The following KCNC2 variants were observed in gnomAD, a reference collection of about 807,000 sequenced individuals.
KCNC2 encodes the protein potassium voltage-gated channel subfamily C member 2.
KCNC2 carries 21 observed loss-of-function variants against 44.5 expected under a neutral mutation model. The observed-to-expected ratio is 0.47, with a 90% CI of 0.33 to 0.68. The LOEUF (loss-of-function observed/expected upper bound fraction) is 0.68, where lower values mean the gene tolerates loss of function less well. KCNC2 is among the 30% of genes least tolerant of loss of function. The pLI, the probability that KCNC2 is intolerant of heterozygous loss-of-function variation, is 0.01. For synonymous variants in KCNC2, 391 were observed against 339.1 expected (o/e 1.15, Z -1.68); for missense variants, 589 against 826.2 (o/e 0.71, Z 3.52).
At chr12:75,136,905 C>T (rs1051378188) in intron 2 of KCNC2, among the ~76,000 whole-genome samples, 2 of 152,096 alleles carry the variant, frequency 1.3e-5, no homozygotes, top group Non-Finnish European at 2.9e-5. Context: ...GAAGCAATAC[C>T]TTTGCTTTAC....
chr12:75,135,053 T>A (rs904142941), intron 2 of KCNC2, among the ~76,000 whole-genome samples: 6 of 151,942 alleles, frequency 3.9e-5, no homozygotes, highest in Admixed American at 3.9e-4. Context: ...TTCGTATTTA[T>A]ACTCTCAAAT....
intron 2 of KCNC2, among the ~76,000 whole-genome samples, chr12:75,125,671 C>T (rs188973618): frequency 1.3e-5 from 2 of 152,296 alleles, no homozygotes; most frequent in African/African-American, 2.4e-5. Flanking sequence ...TTAGCTAGCA[C>T]TATTAGAATT....
chr12:75,189,839 T>C lies in KCNC2; in HGVS notation c.687+17458A>G, dbSNP rs540691087. ...TTGTCAGCTGCGCTCTGCAACTTAT[T>C]GGCAAAAAAGACAATTATCTTCAAA... On this transcript the variant is annotated intron_variant, in intron 2 of 4. Coordinates refer to ENST00000549446, the MANE Select transcript of KCNC2 (RefSeq NM_139137.4). 1.3e-4 allele frequency among the ~76,000 whole-genome samples: 20 copies of C among 152,276 alleles called. No individual in the cohort carries two copies. The South Asian group carries it at 3.5e-3, about 27-fold the overall frequency.
chr12:75,067,756 T>C (rs1882981286), intron 2 of KCNC2, among the ~76,000 whole-genome samples: 1 of 152,180 alleles, frequency 6.6e-6, no homozygotes, highest in African/African-American at 2.4e-5. Context: ...CCTCTCGCTG[T>C]AACTCCCTAA....
chr12:75,177,089 T>C (rs1048091340), intron 2 of KCNC2, among the ~76,000 whole-genome samples: 44 of 149,600 alleles, frequency 2.9e-4, no homozygotes, highest in African/African-American at 1.1e-3. Flanking sequence ...ACTCTGTATA[T>C]TGGAAAATGG....
intron 2 of KCNC2, among the ~76,000 whole-genome samples, chr12:75,139,887 A>G (rs2137396344): frequency 6.6e-6 from 1 of 152,348 alleles, no homozygotes; most frequent in African/African-American, 2.4e-5. Context: ...TAAATTCCAC[A>G]TATGTAAAAC....
intron 4 of KCNC2, among the ~76,000 whole-genome samples, chr12:75,045,536 T>C (rs979012806): frequency 1.3e-5 from 2 of 151,978 alleles, no homozygotes; most frequent in Non-Finnish European, 2.9e-5. Flanking sequence ...TGATAAAATG[T>C]TGCTTAATCA....
At chr12:75,059,230 T>A (rs1395115897) in intron 2 of KCNC2, among the ~76,000 whole-genome samples, 1 of 152,174 alleles carries the variant, frequency 6.6e-6, no homozygotes, top group Non-Finnish European at 1.5e-5. Context: ...TGAACTTTAG[T>A]GTTGCATGCC....
chr12:75,099,687 A>C (rs147069539), intron 2 of KCNC2, among the ~76,000 whole-genome samples: 2,425 of 152,286 alleles, frequency 0.016, 50 homozygotes, highest in African/African-American at 0.056. Context: ...CTCAAATACA[A>C]GATTTCTATT....
At chr12:75,059,511 G>A (rs1270089104) in intron 2 of KCNC2, among the ~76,000 whole-genome samples, 4 of 152,078 alleles carry the variant, frequency 2.6e-5, no homozygotes, top group Non-Finnish European at 5.9e-5. Flanking sequence ...ATTTGCAAAA[G>A]TGTAAAACAG....
chr12:75,099,500 T>C (rs1253556797), intron 2 of KCNC2, among the ~76,000 whole-genome samples: 2 of 152,132 alleles, frequency 1.3e-5, no homozygotes, highest in African/African-American at 2.4e-5. Context: ...TGTCTTTGCT[T>C]GAAGGTCATA....
At chr12:75,154,122 A>C (rs546612087) in intron 2 of KCNC2, among the ~76,000 whole-genome samples, 7 of 152,176 alleles carry the variant, frequency 4.6e-5, no homozygotes, top group Middle Eastern at 3.4e-3. Flanking sequence ...CTAAAAAAGA[A>C]ATATATTTCT....
intron 2 of KCNC2, among the ~76,000 whole-genome samples, chr12:75,129,032 A>G (rs966243724): frequency 1.3e-5 from 2 of 152,246 alleles, no homozygotes; most frequent in Admixed American, 1.3e-4. Context: ...CATTTAAAGC[A>G]TGGTTCATAA....
chr12:75,042,142 A>T lies in KCNC2; in HGVS notation c.*963T>A. 6 of 1,250,702 alleles carry T rather than the reference A, an allele frequency of 4.8e-6. No homozygotes were observed. Among genetic ancestry groups the T allele is most frequent in the Non-Finnish European group, 6.0e-6 (6 of 993,482 alleles). 77.5% of individuals were successfully genotyped at this position (1,250,702 alleles called of 1,614,324 possible). ...AAAAATAAAATAAGGGGGTAAAAAA[A>T]AGACACAAGAGCTTTGGGTGATATT... On this transcript the variant is annotated 3_prime_UTR_variant, in exon 5 of 5. Transcript: ENST00000549446.
chr12:75,125,687 G>T (rs1039015018), intron 2 of KCNC2, among the ~76,000 whole-genome samples: 9 of 152,046 alleles, frequency 5.9e-5, no homozygotes, highest in African/African-American at 1.9e-4. Context: ...GAATTTGTAG[G>T]GTCAGTCATG....
At chr12:75,163,466 T>C (rs139568190) in intron 2 of KCNC2, among the ~76,000 whole-genome samples, 87 of 151,916 alleles carry the variant, frequency 5.7e-4, no homozygotes, top group African/African-American at 1.8e-3. Flanking sequence ...CAAATGCATT[T>C]AAGTTTCTGC....
At chr12:75,078,875 A>G (rs1484214963) in intron 2 of KCNC2, among the ~76,000 whole-genome samples, 1 of 152,178 alleles carries the variant, frequency 6.6e-6, no homozygotes, top group Non-Finnish European at 1.5e-5. Context: ...CATCAAATTA[A>G]CTAACTTGGG....
chr12:75,180,563 T>C (rs1172081705), intron 2 of KCNC2, among the ~76,000 whole-genome samples: 2 of 151,910 alleles, frequency 1.3e-5, no homozygotes, highest in Admixed American at 6.5e-5. Flanking sequence ...CATTTTCTAA[T>C]ATTAAATTAT....
chr12:75,052,291 C>T (rs1376560484), intron 2 of KCNC2, among the ~76,000 whole-genome samples: 1 of 152,106 alleles, frequency 6.6e-6, no homozygotes, highest in Non-Finnish European at 1.5e-5. Flanking sequence ...AATGATAAGC[C>T]TGAGTCACTA....
Sources: allele counts gnomAD v4.1 joint callset (sites outside exome capture counted in the v4.1 genomes callset), GRCh38; gene constraint gnomAD v4.1.1; transcripts MANE v1.5; gene names NCBI Gene and HGNC (gene_info 2026-07-23, HGNC 2026-07-21).